Variants in OR4Q3 observed in about 807,000 individuals in gnomAD.
OR4Q3 encodes olfactory receptor family 4 subfamily Q member 3.
In OR4Q3, 17 loss-of-function variants were observed where a neutral mutation model predicts 18.8. That is an observed-to-expected ratio of 0.91 (90% CI 0.62 to 1.36). OR4Q3 has a LOEUF of 1.36. Ranked by LOEUF, OR4Q3 falls within the 40% of genes most tolerant of loss-of-function variation. The probability of loss-of-function intolerance (pLI) is 0.00; values close to 1 mark genes in which losing one functional copy is unlikely to be tolerated. For missense variants in OR4Q3, 378 were observed against 373.4 expected, an observed-to-expected ratio of 1.01 and a Z score of -0.10; for synonymous variants, 158 against 145.8, an observed-to-expected ratio of 1.08 and a Z score of -0.60.
At chr14:19,747,332 T>C in intron 1 of OR4Q3, 74 bp from the exon 2 acceptor site, 1 of 698,980 alleles carries the variant, frequency 1.4e-6, no homozygotes, top group Non-Finnish European at 2.2e-6. Context: ...TTATATATTA[T>C]ATACTATATG....
downstream of OR4Q3, among the ~76,000 whole-genome samples, chr14:19,750,479 T>C: frequency 6.6e-6 from 1 of 152,268 alleles, no homozygotes; most frequent in Non-Finnish European, 1.5e-5. Flanking sequence ...ATGTTTTTTA[T>C]ATTTTGTCAC....
chr14:19,743,630 TCTTC>T lies in OR4Q3; in HGVS notation c.-32_-29del, dbSNP rs1440284373. The stretch of plus-strand genomic sequence containing the variant: ...TGATAGGATGAATGGCAGGATAAAA[TCTTC>T]CTTCCTTGAAACCACATAGCTTCTG... On this transcript the variant is annotated 5_prime_UTR_variant, in exon 1 of 2. The change abolishes the stop of an existing upstream ORF in the 5' untranslated region. Transcript: ENST00000642117. The T allele has an allele frequency of 6.6e-6, 1 of 152,302 alleles. No homozygotes were observed. Among genetic ancestry groups the T allele is most frequent in the Non-Finnish European group, 1.5e-5 (1 of 68,140 alleles). 9.4% of individuals were successfully genotyped at this position (152,302 alleles called of 1,614,324 possible).
At chr14:19,744,714 G>A (rs1360613881) in intron 1 of OR4Q3, among the ~76,000 whole-genome samples, 1 of 152,148 alleles carries the variant, frequency 6.6e-6, no homozygotes, top group Non-Finnish European at 1.5e-5. Context: ...TGCTTGATAA[G>A]GTCTCATCTT....
chr14:19,750,626 G>A, downstream of OR4Q3, among the ~76,000 whole-genome samples: 1 of 152,318 alleles, frequency 6.6e-6, no homozygotes, highest in South Asian at 2.1e-4. Context: ...TCGTGTAAGA[G>A]CTTTCTTGAT....
chr14:19,748,410 T>A, exon 2 of OR4Q3: 2 of 1,446,568 alleles, frequency 1.4e-6, no homozygotes, highest in African/African-American at 1.4e-5. Context: ...ACACTCTTTC[T>A]TGGAAGACTC....
chr14:19,751,776 T>TC, downstream of OR4Q3, among the ~76,000 whole-genome samples: 57 of 152,034 alleles, frequency 3.7e-4, no homozygotes, highest in Non-Finnish European at 4.4e-5. Context: ...TTGGATCTTT[T>TC]TTTTTATTTT....
exon 2 of OR4Q3, chr14:19,748,343 C>T: frequency 1.2e-6 from 2 of 1,610,022 alleles, no homozygotes; most frequent in East Asian, 2.2e-5. Context: ...GAGGATAAAA[C>T]CATGTGGCAT....
At chr14:19,752,252 A>G, downstream of OR4Q3, among the ~76,000 whole-genome samples, 1 of 152,248 alleles carries the variant, frequency 6.6e-6, no homozygotes, top group East Asian at 1.9e-4. Context: ...AATGGGAGAA[A>G]ATATTTGCAA....
At chr14:19,749,751 T>C, downstream of OR4Q3, among the ~76,000 whole-genome samples, 1 of 148,344 alleles carries the variant, frequency 6.7e-6, no homozygotes, top group Non-Finnish European at 1.5e-5. Context: ...CTCTCTCTCT[T>C]TCTTCTTTCT....
chr14:19,751,758 GT>G, downstream of OR4Q3, among the ~76,000 whole-genome samples: 3 of 138,702 alleles, frequency 2.2e-5, no homozygotes, highest in African/African-American at 7.9e-5. Flanking sequence ...CTTTTTGACT[GT>G]ACTCATTTGG....
downstream of OR4Q3, among the ~76,000 whole-genome samples, chr14:19,752,240 C>T: frequency 1.2e-4 from 19 of 152,104 alleles, no homozygotes; most frequent in Non-Finnish European, 2.4e-4. Flanking sequence ...GACAACTTAC[C>T]GAATGGGAGA....
intron 1 of OR4Q3, among the ~76,000 whole-genome samples, chr14:19,746,406 A>G: frequency 1.3e-5 from 2 of 152,148 alleles, no homozygotes; most frequent in Non-Finnish European, 2.9e-5. Flanking sequence ...ATATCTTAGC[A>G]AATCTTCTTT....
At chr14:19,748,671 A>G in exon 2 of OR4Q3, 1 of 318,414 alleles carries the variant, frequency 3.1e-6, no homozygotes, top group Non-Finnish European at 5.8e-6. Context: ...AGTACTGTTC[A>G]TTTATTCAAT....
downstream of OR4Q3, chr14:19,749,491 A>G: frequency 1.3e-5 from 2 of 152,382 alleles, no homozygotes; most frequent in Non-Finnish European, 2.9e-5. Context: ...CCAGCTACTC[A>G]GGAAGGCTGA....
intron 1 of OR4Q3, among the ~76,000 whole-genome samples, chr14:19,744,415 G>T (rs1347718752): frequency 1.3e-5 from 2 of 152,124 alleles, no homozygotes; most frequent in African/African-American, 4.8e-5. Context: ...ACACACACAT[G>T]CACAAGTACC....
At chr14:19,744,558 C>T (rs1204213836) in intron 1 of OR4Q3, among the ~76,000 whole-genome samples, 19 of 152,164 alleles carry the variant, frequency 1.2e-4, no homozygotes, top group Non-Finnish European at 4.4e-5. Context: ...TTGGTTTGTC[C>T]TCTTCTCTCC....
chr14:19,750,561 A>G, downstream of OR4Q3, among the ~76,000 whole-genome samples: 2 of 152,246 alleles, frequency 1.3e-5, no homozygotes, highest in East Asian at 1.9e-4. Flanking sequence ...TGTGAAAAAA[A>G]TGTCTGAAAC....
downstream of OR4Q3, among the ~76,000 whole-genome samples, chr14:19,751,853 T>C: frequency 6.6e-6 from 1 of 152,316 alleles, no homozygotes; most frequent in East Asian, 1.9e-4. Flanking sequence ...CATTGACCTT[T>C]TGTATAGATT....
In OR4Q3 at chr14:19,744,023, G is replaced by A. The variant is rs1594361308; in HGVS notation, c.2+352G>A. Among the ~76,000 whole-genome samples the A allele has an allele frequency of 4.6e-5, 7 of 152,196 alleles. No individual in the cohort carries two copies. The South Asian group carries it at 6.2e-4, about 14-fold the overall frequency. On this transcript the variant is annotated intron_variant, in intron 1 of 1. Coordinates refer to ENST00000642117, the Ensembl canonical transcript of OR4Q3. ...TCTGCTATAGTCCCTTCTAGATTCT[G>A]TTTTCCATTTCTTTAATTATTAAAG...
Sources: allele counts gnomAD v4.1 joint callset (sites outside exome capture counted in the v4.1 genomes callset), GRCh38; gene constraint gnomAD v4.1.1; transcripts MANE v1.5; gene names NCBI Gene and HGNC (gene_info 2026-07-23, HGNC 2026-07-21).